Variants in WAPL observed in about 807,000 individuals in gnomAD.
The protein encoded by WAPL is wings apart-like protein homolog.
Under a neutral mutation model 121.0 loss-of-function variants are expected in WAPL, and 5 were observed. The observed-to-expected ratio is 0.04, with a 90% confidence interval of 0.02 to 0.09. The LOEUF is 0.09. WAPL is among the 10% of genes least tolerant of loss of function. The pLI, the probability that WAPL is intolerant of heterozygous loss-of-function variation, is 1.00. For synonymous variants in WAPL, 480 were observed against 481.5 expected (o/e 1.00, Z 0.04); for missense variants, 999 against 1,410.8 (o/e 0.71, Z 4.68).
At chr10:86,446,773 C>T (rs868348641) in intron 15 of WAPL, among the ~76,000 whole-genome samples, 1 of 152,116 alleles carries the variant, frequency 6.6e-6, no homozygotes, top group South Asian at 2.1e-4. Context: ...AGGGAATATG[C>T]TAAATTCCTT....
chr10:86,517,894 G>A lies in WAPL; in HGVS notation c.176C>T (p.Pro59Leu), dbSNP rs760854630. ...TTCTTCTTCCACTTTAGGTTTCTTCGGAATTTCTTGGATATCTGGTTTGAA... is the reference window on the plus strand; with the variant it reads ...TTCTTCTTCCACTTTAGGTTTCTTCAGAATTTCTTGGATATCTGGTTTGAA... The part of the protein sequence containing the change: ...PNFKPDIQEI[P>L]KKPKVEEEST... The change falls in exon 2 of 19, where the codon CCG (proline) becomes CTG (leucine). Residue 59 changes from proline to leucine, a missense_variant. Coordinates refer to ENST00000298767, the MANE Select transcript of WAPL (RefSeq NM_015045.5). 1.3e-5 allele frequency: 21 copies of A among 1,613,874 alleles called. No homozygotes were observed. The highest frequency in any genetic ancestry group is 1.2e-4 in the Admixed American group (7 of 59,984).
chr10:86,451,986 G>C lies in WAPL; in HGVS notation c.3095C>G (p.Ala1032Gly). 6.2e-7 allele frequency: 1 copy of C among 1,614,146 alleles called. No homozygotes were observed. The highest frequency in any genetic ancestry group is 8.5e-7 in the Non-Finnish European group (1 of 1,180,016). ...DSLRIGGQVH[A>G]VQALVQLFLE... ...GCTTACCTGCACTAAAGCCTGGACA[G>C]CATGAACTTGTCCACCTATCCTTAA... Residue 1032 changes from alanine to glycine, a missense_variant, in exon 15 of 19, where the codon GCT becomes GGT. Coordinates refer to ENST00000298767, the MANE Select transcript of WAPL (RefSeq NM_015045.5).
intron 4 of WAPL, among the ~76,000 whole-genome samples, chr10:86,482,120 A>C (rs1841805449): frequency 6.6e-6 from 1 of 152,178 alleles, no homozygotes; most frequent in Admixed American, 6.5e-5. Context: ...ATTTTTGTAA[A>C]TTTACTTATT....
At chr10:86,516,218 C>T (rs1044812005) in intron 2 of WAPL, among the ~76,000 whole-genome samples, 22 of 152,140 alleles carry the variant, frequency 1.4e-4, no homozygotes, top group Admixed American at 7.9e-4. Context: ...TTGTCAACAA[C>T]GCCTGAGGAG....
chr10:86,492,180 T>C (rs1050112639), intron 4 of WAPL, among the ~76,000 whole-genome samples: 22 of 152,276 alleles, frequency 1.4e-4, no homozygotes, highest in Admixed American at 3.9e-4. Context: ...TGTTATCCAA[T>C]AAGCAAAAAT....
intron 2 of WAPL, among the ~76,000 whole-genome samples, chr10:86,513,427 G>A (rs1317283768): frequency 1.1e-4 from 5 of 47,058 alleles, no homozygotes; most frequent in East Asian, 6.6e-4. Context: ...CTTCACCTCC[G>A]GGGTTCAAGC....
At chr10:86,501,526 T>C (rs1842247592) in intron 2 of WAPL, among the ~76,000 whole-genome samples, 1 of 152,176 alleles carries the variant, frequency 6.6e-6, no homozygotes, top group Non-Finnish European at 1.5e-5. Flanking sequence ...ACTGACAAAA[T>C]GTATACCCTA....
intron 4 of WAPL, among the ~76,000 whole-genome samples, chr10:86,479,514 A>G (rs1841733851): frequency 6.6e-6 from 1 of 152,270 alleles, no homozygotes; most frequent in South Asian, 2.1e-4. Context: ...TTGGCCTCCC[A>G]AAGTGCTGGG....
chr10:86,476,145 C>A (rs1178668439), intron 4 of WAPL, among the ~76,000 whole-genome samples: 1 of 151,250 alleles, frequency 6.6e-6, no homozygotes, highest in Non-Finnish European at 1.5e-5. Context: ...GCGGGCGGAT[C>A]ACGAGGTCAG....
At chr10:86,477,191 G>A (rs1484110247) in intron 4 of WAPL, among the ~76,000 whole-genome samples, 1 of 152,158 alleles carries the variant, frequency 6.6e-6, no homozygotes, top group Non-Finnish European at 1.5e-5. Flanking sequence ...ATGGCAGGGA[G>A]AGGAAGAAAC....
At chr10:86,504,624 C>A (rs1301679303) in intron 2 of WAPL, among the ~76,000 whole-genome samples, 1 of 150,748 alleles carries the variant, frequency 6.6e-6, no homozygotes, top group Non-Finnish European at 1.5e-5. Flanking sequence ...TGGCAGTGAG[C>A]CCCGTCGACA....
intron 4 of WAPL, among the ~76,000 whole-genome samples, chr10:86,474,300 G>A (rs1186464208): frequency 1.3e-5 from 2 of 152,064 alleles, no homozygotes; most frequent in East Asian, 1.9e-4. Context: ...GATCACTTGA[G>A]GTCAGGAGTT....
At chr10:86,460,584 A>G in intron 10 of WAPL, 88 bp from the exon 11 acceptor site, 1 of 1,037,364 alleles carries the variant, frequency 9.6e-7, no homozygotes, top group Admixed American at 2.3e-5. Context: ...AGCCATCTGT[A>G]CACACGCTAT....
At chr10:86,521,339 A>AG in intron 1 of WAPL, 26 bp downstream of exon 1, 1 of 257,742 alleles carries the variant, frequency 3.9e-6, no homozygotes, top group Non-Finnish European at 7.6e-6. Flanking sequence ...CTCCCGGCCT[A>AG]GGCGGCCGCC....
Position 86,472,912 on chromosome 10 carries a change from A to G in WAPL, c.1741-148T>C. ...GGGAGGCCTCTCAAAGGTCTTTAGA[A>G]ATACTTTGAATTCCATGCACTAACA... On this transcript the variant is annotated intron_variant, in intron 5 of 18. Coordinates refer to ENST00000298767, the MANE Select transcript of WAPL (RefSeq NM_015045.5). The surrounding 1 kb of genome is among the most constrained non-coding windows in gnomAD (Gnocchi z 4.2). 1 of 709,832 alleles carries G rather than the reference A, an allele frequency of 1.4e-6. No individual in the cohort carries two copies. Among genetic ancestry groups the G allele is most frequent in the Non-Finnish European group, 2.2e-6 (1 of 457,826 alleles). The allele number at this position is 709,832 out of a possible 1,614,324, so 44.0% of individuals were successfully genotyped here.
At chr10:86,449,843 G>A (rs993053881) in intron 15 of WAPL, among the ~76,000 whole-genome samples, 2 of 152,216 alleles carry the variant, frequency 1.3e-5, no homozygotes, top group South Asian at 4.1e-4. Flanking sequence ...TGGTAGCTAG[G>A]AGACAGGGAG....
chr10:86,516,293 A>G (rs1564592016), intron 2 of WAPL, among the ~76,000 whole-genome samples: 2 of 152,214 alleles, frequency 1.3e-5, no homozygotes, highest in Admixed American at 6.5e-5. Context: ...GGGAATGACA[A>G]TAACAGCTGG....
At chr10:86,519,640 T>C (rs545875181) in intron 1 of WAPL, among the ~76,000 whole-genome samples, 1 of 152,350 alleles carries the variant, frequency 6.6e-6, no homozygotes, top group Admixed American at 6.5e-5. Flanking sequence ...TAACAAGTCT[T>C]ACTGTCTTTC....
At chr10:86,458,072 A>G (rs1410600607) in intron 12 of WAPL, among the ~76,000 whole-genome samples, 1 of 152,266 alleles carries the variant, frequency 6.6e-6, no homozygotes, top group African/African-American at 2.4e-5. Context: ...AAACTAGAGT[A>G]AGACTGCAAT....
Sources: gnomAD v4.1 joint callset for allele counts (sites outside exome capture counted in the v4.1 genomes callset) on GRCh38, gnomAD v4.1.1 for gene constraint, Gnocchi (gnomAD v3.1) non-coding constraint, MANE v1.5 for transcripts, NCBI Gene and HGNC (gene_info 2026-07-23, HGNC 2026-07-21) for gene names.